The following SPG11 variants were observed in gnomAD, a reference collection of about 807,000 sequenced individuals.
SPG11 encodes SPG11 vesicle trafficking associated, spatacsin, also known as spatacsin.
Under a neutral mutation model 274.0 loss-of-function variants are expected in SPG11, and 222 were observed. The observed-to-expected ratio is 0.81, with a 90% CI of 0.73 to 0.91. The LOEUF is 0.91. SPG11 is among the 40% of genes least tolerant of loss of function. The pLI is 0.00. For missense variants in SPG11, 3,114 were observed against 2,872.7 expected, an observed-to-expected ratio of 1.08 and a Z score of -1.92; for synonymous variants, 1,144 against 1,039.7, an observed-to-expected ratio of 1.10 and a Z score of -1.93.
intron 6 of SPG11, among the ~76,000 whole-genome samples, chr15:44,651,117 T>C (rs1231620790): frequency 1.3e-5 from 2 of 152,182 alleles, no homozygotes; most frequent in African/African-American, 4.8e-5. Flanking sequence ...TGAATGTTTA[T>C]AATCTTTTTT....
At chr15:44,611,451 A>G (rs995241895) in intron 17 of SPG11, among the ~76,000 whole-genome samples, 10 of 152,326 alleles carry the variant, frequency 6.6e-5, no homozygotes, top group African/African-American at 2.4e-4. Context: ...TATACTACCT[A>G]TCCAATTAGC....
chr15:44,641,634 A>C (rs1054994020), intron 7 of SPG11, among the ~76,000 whole-genome samples: 7 of 78,532 alleles, frequency 8.9e-5, no homozygotes, highest in African/African-American at 1.6e-4. Flanking sequence ...CACACACACA[A>C]AACCTTAATC....
At chr15:44,625,066 TG>T (rs1032996075) in intron 11 of SPG11, among the ~76,000 whole-genome samples, 38 of 146,084 alleles carry the variant, frequency 2.6e-4, no homozygotes, top group Admixed American at 2.5e-3. Context: ...ACCTGGGAGG[TG>T]GAAGTTTTGT....
In SPG11 at chr15:44,659,127, G is replaced by C. The variant is rs770300140; in HGVS notation, c.619C>G (p.Gln207Glu). Residue 207 changes from glutamine (Q) to glutamate (E), a missense_variant, in exon 3 of 40, where the codon CAG becomes GAG. Coordinates refer to ENST00000261866, the MANE Select transcript of SPG11 (RefSeq NM_025137.4). The stretch of plus-strand genomic sequence containing the variant: ...ACAAAAAGAATTCCTCTGCAGAGCT[G>C]CGTGTCAATAATCATGTCCACTGCC... ...AQAVDMIIDT[Q>E]LCRGILFVLS... 10 of 1,614,206 alleles carry C rather than the reference G, an allele frequency of 6.2e-6. No homozygotes were observed. The South Asian group carries it at 1.1e-4, about 18-fold the overall frequency.
At chr15:44,565,833 A>G (rs777705513) in intron 38 of SPG11, 21 bp downstream of exon 38, 11 of 1,613,726 alleles carry the variant, frequency 6.8e-6, no homozygotes, top group Non-Finnish European at 8.5e-6. Context: ...AGTGCTGGCT[A>G]CAGTTTGCTT....
At chr15:44,614,796 C>G (rs1315315822) in intron 16 of SPG11, among the ~76,000 whole-genome samples, 1 of 152,194 alleles carries the variant, frequency 6.6e-6, no homozygotes, top group Non-Finnish European at 1.5e-5. Context: ...TAAACACTCA[C>G]ATATTAAAGA....
At chr15:44,649,293 G>C (rs1206589256) in intron 6 of SPG11, among the ~76,000 whole-genome samples, 1 of 151,964 alleles carries the variant, frequency 6.6e-6, no homozygotes, top group African/African-American at 2.4e-5. Context: ...CAGACTCCTG[G>C]GCTCAAGCAA....
intron 7 of SPG11, among the ~76,000 whole-genome samples, chr15:44,637,474 G>A (rs1353262373): frequency 2.6e-5 from 4 of 152,134 alleles, no homozygotes; most frequent in East Asian, 1.9e-4. Flanking sequence ...CACCATACCC[G>A]GCTAATTTTT....
At chr15:44,606,690 A>G (rs1355538030) in intron 19 of SPG11, among the ~76,000 whole-genome samples, 2 of 152,154 alleles carry the variant, frequency 1.3e-5, no homozygotes, top group Non-Finnish European at 2.9e-5. Flanking sequence ...AAAATACAGG[A>G]AAAAAACAGA....
At position 44,620,285 on chromosome 15, in the gene SPG11, C is replaced by G. The variant is rs1209247230; in HGVS notation, c.2739G>C (p.Gln913His). 4.3e-6 allele frequency: 7 copies of G among 1,613,902 alleles called. No individual in the cohort carries two copies. The highest frequency in any genetic ancestry group is 1.3e-5 in the African/African-American group (1 of 74,894). ...FQTQHSYASLQQNKWPLLTVD... is the reference protein window; with the variant it reads ...FQTQHSYASLHQNKWPLLTVD... ...CAGTCAGAAGGGGCCATTTGTTCTG[C>G]TGAAGTGAAGCATAACTATGCTGGG... Residue 913 changes from glutamine (Q) to histidine (H), a missense_variant, in exon 15 of 40, where the codon CAG (glutamine) becomes CAC (histidine). Coordinates refer to ENST00000261866, the MANE Select transcript of SPG11 (RefSeq NM_025137.4).
At chr15:44,636,934 AAAAAAAAAAAAAAAAAAAAAAAAC>A (rs758116794) in intron 7 of SPG11, among the ~76,000 whole-genome samples, 1,836 of 122,306 alleles carry the variant, frequency 0.015, 63 homozygotes, top group East Asian at 0.11. Context: ...TCAAAAAAAA[AAAAAAAAAAAAAAAAAAAAAAAAC>A]AAAAAAAAAA....
intron 38 of SPG11, 76 bp downstream of exon 38, chr15:44,565,778 A>C (rs1567125659): frequency 6.3e-7 from 1 of 1,577,242 alleles, no homozygotes; most frequent in East Asian, 2.3e-5. Context: ...CTGAGACCTT[A>C]CCTCTGGGTT....
chr15:44,562,876 T>C lies in SPG11; in HGVS notation c.*245A>G. On this transcript the variant is annotated 3_prime_UTR_variant, in exon 40 of 40. Transcript: ENST00000261866. The stretch of plus-strand genomic sequence containing the variant: ...GAAGCTGTCCTGAGGAAGAGGAAGC[T>C]TTTGATCTTAATACTAGTATCTATA... 2.1e-6 allele frequency: 1 copy of C among 477,606 alleles called. No homozygotes were observed. Among genetic ancestry groups the C allele is most frequent in the Non-Finnish European group, 3.8e-6 (1 of 264,950 alleles). 29.6% of individuals were successfully genotyped at this position (477,606 alleles called of 1,614,324 possible).
At chr15:44,609,426 G>A (rs2083403507) in intron 18 of SPG11, among the ~76,000 whole-genome samples, 1 of 151,974 alleles carries the variant, frequency 6.6e-6, no homozygotes, top group Admixed American at 6.6e-5. Context: ...ACCGCACCCG[G>A]CCTTTAAACA....
intron 24 of SPG11, 147 bp from the exon 25 acceptor site, chr15:44,596,502 T>C (rs998179243): frequency 3.0e-6 from 3 of 1,012,868 alleles, no homozygotes; most frequent in Middle Eastern, 2.5e-4. Context: ...CAAAGCTGTA[T>C]GGTGCCTTTT....
intron 7 of SPG11, among the ~76,000 whole-genome samples, chr15:44,644,772 A>G (rs917100865): frequency 6.6e-6 from 1 of 152,238 alleles, no homozygotes; most frequent in Non-Finnish European, 1.5e-5. Flanking sequence ...CAGCATTTCT[A>G]TACACCAACA....
Position 44,569,436 on chromosome 15 carries a change from G to A in SPG11, c.6547C>T (p.His2183Tyr), listed in dbSNP as rs1350976539. 6.2e-7 allele frequency: 1 copy of A among 1,606,932 alleles called. No individual in the cohort carries two copies. The highest frequency in any genetic ancestry group is 1.3e-5 in the African/African-American group (1 of 74,998). Reference protein sequence around the residue: ...TYIFDLLHKKHYFEVLMRKKL... With the variant: ...TYIFDLLHKKYYFEVLMRKKL... ...TTCCTCATTAGCACTTCAAAGTAGTGCTTTTTATGCAGCAAATCAAATATG... is the reference window on the plus strand; with the variant it reads ...TTCCTCATTAGCACTTCAAAGTAGTACTTTTTATGCAGCAAATCAAATATG... The change falls in exon 35 of 40, where the codon CAC becomes TAC. Residue 2183 changes from histidine to tyrosine, a missense_variant. By Grantham distance (83) the His-to-Tyr change is moderately conservative. Coordinates refer to ENST00000261866, the MANE Select transcript of SPG11 (RefSeq NM_025137.4).
At chr15:44,659,360 CATTTG>C in intron 2 of SPG11, 57 bp from the exon 3 acceptor site, 2 of 1,429,508 alleles carry the variant, frequency 1.4e-6, no homozygotes, top group Non-Finnish European at 2.0e-6. Context: ...ACAACTGGTA[CATTTG>C]ATTTGATAAA....
At chr15:44,641,008 G>A (rs1327927534) in intron 7 of SPG11, among the ~76,000 whole-genome samples, 17 of 152,198 alleles carry the variant, frequency 1.1e-4, no homozygotes, top group Admixed American at 7.9e-4. Flanking sequence ...GATTACAGGC[G>A]TGAGCCACCG....
Sources: allele counts gnomAD v4.1 joint callset (sites outside exome capture counted in the v4.1 genomes callset), GRCh38; gene constraint gnomAD v4.1.1; transcripts MANE v1.5; gene names NCBI Gene and HGNC (gene_info 2026-07-23, HGNC 2026-07-21).